The following B3GLCT variants were observed in gnomAD, a reference collection of about 807,000 sequenced individuals.
The protein encoded by B3GLCT is beta 3-glucosyltransferase.
B3GLCT carries 65 observed loss-of-function variants against 63.4 expected under a neutral mutation model. The ratio of observed to expected loss-of-function variants is 1.03; its 90% CI spans 0.84 to 1.26. B3GLCT has a LOEUF of 1.26. B3GLCT is among the 50% of genes most tolerant of loss of function. The pLI is 0.00. For synonymous variants in B3GLCT, 233 were observed against 219.2 expected (o/e 1.06, Z -0.55); for missense variants, 577 against 604.8 (o/e 0.95, Z 0.48).
intron 4 of B3GLCT, among the ~76,000 whole-genome samples, chr13:31,239,752 T>C (rs1870838281): frequency 6.6e-6 from 1 of 151,590 alleles, no homozygotes; most frequent in African/African-American, 2.4e-5. Context: ...TGAAACAATC[T>C]TTCCTGTAGT....
chr13:31,267,222 G>T (rs1234948815), intron 7 of B3GLCT, among the ~76,000 whole-genome samples: 1 of 152,204 alleles, frequency 6.6e-6, no homozygotes, highest in Non-Finnish European at 1.5e-5. Flanking sequence ...TGTTATGAAG[G>T]GGCCTATGAA....
chr13:31,242,016 A>G (rs1412685220), intron 4 of B3GLCT, among the ~76,000 whole-genome samples: 2 of 152,266 alleles, frequency 1.3e-5, no homozygotes, highest in East Asian at 1.9e-4. Context: ...ACACTATGCT[A>G]TGCTGTTTTC....
At position 31,229,247 on chromosome 13, in the gene B3GLCT, G is replaced by T; in HGVS notation, c.223G>T (p.Glu75Ter). 6.2e-7 allele frequency: 1 copy of T among 1,613,752 alleles called. No homozygotes were observed. The highest frequency in any genetic ancestry group is 8.5e-7 in the Non-Finnish European group (1 of 1,179,688). ...TAATTCTTTTCATGCAAAGAGAGCA[G>T]AGCAGTTAAAAAAAAGCATCTTAAA... is the stretch of plus-strand genomic sequence containing the variant. ...QSNSFHAKRA[E>*]QLKKSILKQA... The change falls in exon 4 of 15, where the codon GAG becomes TAG. Residue 75 changes from glutamate (E) to a stop codon, truncating the protein, a stop_gained. Coordinates refer to ENST00000343307, the MANE Select transcript of B3GLCT (RefSeq NM_194318.4). LOFTEE classifies it high-confidence loss of function.
chr13:31,292,043 G>A (rs555728412), intron 12 of B3GLCT, among the ~76,000 whole-genome samples: 25 of 152,094 alleles, frequency 1.6e-4, no homozygotes, highest in African/African-American at 5.3e-4. Context: ...GAATTTTATC[G>A]AAGGCCTTTT....
intron 12 of B3GLCT, among the ~76,000 whole-genome samples, chr13:31,316,647 A>G (rs1346090099): frequency 6.6e-6 from 1 of 151,696 alleles, no homozygotes; most frequent in Non-Finnish European, 1.5e-5. Flanking sequence ...CTTACAAGTA[A>G]CTAACTTGCT....
At chr13:31,299,501 T>A (rs1874121972) in intron 12 of B3GLCT, among the ~76,000 whole-genome samples, 1 of 152,208 alleles carries the variant, frequency 6.6e-6, no homozygotes, top group Non-Finnish European at 1.5e-5. Flanking sequence ...ATAGGGCCAC[T>A]AGCACCAGTC....
At chr13:31,246,197 G>A (rs1871187871) in intron 4 of B3GLCT, among the ~76,000 whole-genome samples, 1 of 152,100 alleles carries the variant, frequency 6.6e-6, no homozygotes, top group South Asian at 2.1e-4. Context: ...ATAAAACACA[G>A]GATATAATAA....
At chr13:31,317,270 C>G (rs972946131) in intron 12 of B3GLCT, among the ~76,000 whole-genome samples, 6 of 152,232 alleles carry the variant, frequency 3.9e-5, no homozygotes, top group Non-Finnish European at 7.3e-5. Context: ...ACCTGCCACT[C>G]TCACCACACA....
In B3GLCT at chr13:31,200,132, C is replaced by T. The variant is rs758969036; in HGVS notation, c.48C>T (p.Leu16=). The change falls in exon 1 of 15, where the codon CTC becomes CTT. Residue 16 remains leucine, a synonymous_variant. Coordinates refer to ENST00000343307, the MANE Select transcript of B3GLCT (RefSeq NM_194318.4). The stretch of plus-strand genomic sequence containing the variant: ...GGCTGCTCGCGCCGCCGGCGCTGCT[C>T]GCGCTCCTCACCTGCTCCCTGGGTA... ...CWWLLAPPAL[L]ALLTCSLAFG... is the part of the protein sequence containing the mutation. 7.9e-5 allele frequency: 108 copies of T among 1,373,632 alleles called. No homozygotes were observed. Among genetic ancestry groups the T allele is most frequent in the Non-Finnish European group, 9.6e-5 (101 of 1,053,700 alleles). The allele number at this position is 1,373,632 out of a possible 1,614,324, so 85.1% of individuals were successfully genotyped here. A position where few individuals can be genotyped will look rare whatever the true frequency, so the allele number is the denominator to read the frequency against.
intron 1 of B3GLCT, among the ~76,000 whole-genome samples, chr13:31,203,024 T>C (rs1448733472): frequency 6.6e-6 from 1 of 152,206 alleles, no homozygotes; most frequent in African/African-American, 2.4e-5. Context: ...GAACCAATGA[T>C]ATTGATAAAA....
rs138996178 is a variant in B3GLCT at position 31,256,096 on chromosome 13, G to A, written c.460-4850G>A. ...CTACAAAGAACTTAAACAAATTTAC[G>A]AGAAAGAACGCCATCAAAAAGTAGG... On this transcript the variant is annotated intron_variant, in intron 6 of 14. Transcript: ENST00000343307. Among the ~76,000 whole-genome samples, 934 of 151,706 alleles carry A rather than the reference G, an allele frequency of 6.2e-3. 21 individuals carry two copies. The highest frequency in any genetic ancestry group is 0.053 in the Admixed American group (814 of 15,230).
intron 4 of B3GLCT, among the ~76,000 whole-genome samples, chr13:31,229,703 A>C (rs1870279221): frequency 6.6e-6 from 1 of 151,658 alleles, no homozygotes; most frequent in African/African-American, 2.4e-5. Flanking sequence ...CCAAGATCAC[A>C]CTACTGCACT....
At chr13:31,231,050 T>G (rs923156995) in intron 4 of B3GLCT, among the ~76,000 whole-genome samples, 8 of 152,000 alleles carry the variant, frequency 5.3e-5, no homozygotes, top group African/African-American at 1.9e-4. Context: ...GAAACCTAAC[T>G]TTTGGAGGTT....
intron 6 of B3GLCT, among the ~76,000 whole-genome samples, chr13:31,254,697 A>G (rs1032553709): frequency 6.6e-6 from 1 of 152,140 alleles, no homozygotes; most frequent in Non-Finnish European, 1.5e-5. Flanking sequence ...AAGGGCATTC[A>G]ATTAGGAAAA....
intron 12 of B3GLCT, among the ~76,000 whole-genome samples, chr13:31,310,788 G>A (rs866332923): frequency 3.9e-5 from 6 of 152,230 alleles, no homozygotes; most frequent in African/African-American, 1.2e-4. Context: ...TTGGGGCTCC[G>A]CAGTTGCTGG....
At chr13:31,324,823 G>C (rs1448989068) in intron 14 of B3GLCT, among the ~76,000 whole-genome samples, 3 of 152,036 alleles carry the variant, frequency 2.0e-5, no homozygotes, top group Non-Finnish European at 4.4e-5. Flanking sequence ...TCTTGCCTTA[G>C]TCTCCCAAGT....
intron 4 of B3GLCT, among the ~76,000 whole-genome samples, chr13:31,243,637 G>A (rs1871057119): frequency 6.6e-6 from 1 of 152,210 alleles, no homozygotes. Context: ...AAATGAGGAT[G>A]ATGAATATGT....
At chr13:31,203,430 C>T (rs1390511797) in intron 1 of B3GLCT, among the ~76,000 whole-genome samples, 1 of 152,142 alleles carries the variant, frequency 6.6e-6, no homozygotes, top group African/African-American at 2.4e-5. Flanking sequence ...GGAGGGAGAG[C>T]ATCTGTTTCA....
At position 31,331,974 on chromosome 13, in the gene B3GLCT, T is replaced by C. The variant is rs939471177; in HGVS notation, c.*2306T>C. 4 of 152,210 alleles carry C rather than the reference T, an allele frequency of 2.6e-5. No homozygotes were observed. The highest frequency in any genetic ancestry group is 4.4e-5 in the Non-Finnish European group (3 of 68,022). 9.4% of individuals were successfully genotyped at this position (152,210 alleles called of 1,614,324 possible). A position where few individuals can be genotyped will look rare whatever the true frequency, so the allele number is the denominator to read the frequency against. On this transcript the variant is annotated 3_prime_UTR_variant, in exon 15 of 15. Coordinates refer to ENST00000343307, the MANE Select transcript of B3GLCT (RefSeq NM_194318.4). ...TTCTGATGATATAGCCAAAGCAGGT[T>C]GTCTGACTATGTAGGATTTTTACAT... is the stretch of plus-strand genomic sequence containing the variant.
Sources: gnomAD v4.1 joint callset for allele counts (sites outside exome capture counted in the v4.1 genomes callset) on GRCh38, gnomAD v4.1.1 for gene constraint, MANE v1.5 for transcripts, NCBI Gene and HGNC (gene_info 2026-07-23, HGNC 2026-07-21) for gene names.